The following EYS variants were observed in gnomAD, a reference collection of about 807,000 sequenced individuals.
The protein encoded by EYS is EGF-like photoreceptor maintenance factor.
A neutral mutation model predicts 282.1 loss-of-function variants in EYS; 250 were observed. The ratio of observed to expected loss-of-function variants is 0.89; its 90% CI spans 0.80 to 0.98. The LOEUF is 0.98. Among genes scored for constraint, EYS ranks in the 50% least tolerant of loss-of-function variants. EYS has a pLI of 0.00. For synonymous variants in EYS, 1,355 were observed against 1,282.9 expected (o/e 1.06, Z -1.20); for missense variants, 4,016 against 3,709.0 (o/e 1.08, Z -2.15).
chr6:65,673,665 C>T (rs6928284), intron 1 of EYS, among the ~76,000 whole-genome samples: 124,827 of 151,914 alleles, frequency 0.82, 51,359 homozygotes, highest in East Asian at 0.85. Context: ...CAGTAAGGTG[C>T]ATGAAAGTTC....
At chr6:63,943,724 T>A (rs1246968369) in intron 35 of EYS, among the ~76,000 whole-genome samples, 1 of 152,208 alleles carries the variant, frequency 6.6e-6, no homozygotes, top group Non-Finnish European at 1.5e-5. Flanking sequence ...CAGAGAGGCA[T>A]TGCCCTTGTT....
chr6:64,377,283 GGAT>G (rs1772592276), intron 29 of EYS, among the ~76,000 whole-genome samples: 1 of 152,024 alleles, frequency 6.6e-6, no homozygotes. Context: ...AAACATATTA[GGAT>G]TTTTAAATTT....
chr6:64,618,450 A>G (rs1368453842), intron 23 of EYS, among the ~76,000 whole-genome samples: 2 of 152,130 alleles, frequency 1.3e-5, no homozygotes, highest in African/African-American at 2.4e-5. Flanking sequence ...CTCTAATCAC[A>G]ACTTTTTAAC....
chr6:64,816,835 G>T (rs1764752687), intron 21 of EYS, among the ~76,000 whole-genome samples: 1 of 151,828 alleles, frequency 6.6e-6, no homozygotes, highest in South Asian at 2.1e-4. Flanking sequence ...AACACAGAAA[G>T]AATTTTTAAG....
Position 65,295,889 on chromosome 6 carries a change from A to T in EYS, c.1997T>A (p.Phe666Tyr), listed in dbSNP as rs984399600. Reference protein sequence around the residue: ...TTSTHLRGYFFRKCVPGFKGT... With the variant: ...TTSTHLRGYFYRKCVPGFKGT... ...TTTAAATCCTGGGACACACTTGCGG[A>T]AGAAATATCCCCTTAAATGTGTACT... is the stretch of plus-strand genomic sequence containing the variant. Residue 666 changes from phenylalanine to tyrosine, a missense_variant, in exon 12 of 43, where the codon TTC (phenylalanine) becomes TAC (tyrosine). By Grantham distance (22) the Phe-to-Tyr change is conservative (BLOSUM62 3). Transcript: ENST00000503581. The T allele has an allele frequency of 6.5e-7, 1 of 1,548,270 alleles. No individual in the cohort carries two copies. Among genetic ancestry groups the T allele is most frequent in the African/African-American group, 1.4e-5 (1 of 72,918 alleles).
Position 64,123,595 on chromosome 6 carries a change from C to A in EYS, c.6425-41593G>T, listed in dbSNP as rs149503208. Among the ~76,000 whole-genome samples, 658 of 152,192 alleles carry A rather than the reference C, an allele frequency of 4.3e-3. 3 individuals carry two copies. Among genetic ancestry groups the A allele is most frequent in the African/African-American group, 0.015 (627 of 41,508 alleles). ...AAGACAGCTTTATCGTTCCTAACTG[C>A]CAGCTCTGTACTTGGTATGAGTTGG... is the stretch of plus-strand genomic sequence containing the variant. On this transcript the variant is annotated intron_variant, in intron 31 of 42. Coordinates refer to ENST00000503581, the MANE Select transcript of EYS (RefSeq NM_001142800.2).
rs1474430377 is a variant in EYS at position 64,912,643 on chromosome 6, T to A, written c.2482A>T (p.Thr828Ser). The A allele has an allele frequency of 1.9e-6, 3 of 1,549,914 alleles. No individual in the cohort carries two copies. In the South Asian group the frequency reaches 3.6e-5, roughly 18 times the overall value. ...AGACATACAAATTGTCCAGGGATGG[T>A]AGATTCATGACAAAGACCTCCATTC... ...CMNGGLCHES[T>S]IPGQFVCLCP... Residue 828 changes from threonine to serine, a missense_variant, in exon 16 of 43, where the codon ACC becomes TCC. Coordinates refer to ENST00000503581, the MANE Select transcript of EYS (RefSeq NM_001142800.2).
chr6:64,385,507 T>C (rs1772878795), intron 29 of EYS, among the ~76,000 whole-genome samples: 1 of 152,192 alleles, frequency 6.6e-6, no homozygotes, highest in African/African-American at 2.4e-5. Context: ...TCCTCCAAAT[T>C]TGATTATAAC....
In EYS at chr6:63,762,537, T is replaced by A. The variant is rs1217814272; in HGVS notation, c.7995A>T (p.Gly2665=). 1.9e-6 allele frequency: 3 copies of A among 1,550,304 alleles called. No individual in the cohort carries two copies. The highest frequency in any genetic ancestry group is 2.6e-6 in the Non-Finnish European group (3 of 1,146,128). The change falls in exon 41 of 43, where the codon GGA becomes GGT. Residue 2665 remains glycine (G), a synonymous_variant. Coordinates refer to ENST00000503581, the MANE Select transcript of EYS (RefSeq NM_001142800.2). ...EHDPPHHCSR[G]ATCISLPHGY... The stretch of plus-strand genomic sequence containing the variant: ...CATGAGGTAATGAAATGCAGGTTGC[T>A]CCTCTGCTACAGTGGTGTGGAGGGT...
At chr6:64,757,074 T>C (rs184320596) in intron 22 of EYS, among the ~76,000 whole-genome samples, 10 of 152,290 alleles carry the variant, frequency 6.6e-5, no homozygotes, top group Non-Finnish European at 1.3e-4. Flanking sequence ...ATTCTTAGGG[T>C]GACATTGAAG....
chr6:63,983,214 A>T (rs559224459), intron 35 of EYS, among the ~76,000 whole-genome samples: 7 of 151,896 alleles, frequency 4.6e-5, no homozygotes, highest in Middle Eastern at 3.4e-3. Context: ...TATTGTACCA[A>T]TGTATAAATG....
chr6:64,391,313 C>T (rs1773129941), intron 28 of EYS, among the ~76,000 whole-genome samples: 1 of 151,872 alleles, frequency 6.6e-6, no homozygotes, highest in Non-Finnish European at 1.5e-5. Flanking sequence ...AACTCCAAGA[C>T]ACATAATTGT....
rs1351042632 is a variant in EYS at position 63,788,100 on chromosome 6, C to T, written c.7723+5G>A. On this transcript the variant is annotated splice_donor_5th_base_variant and intron_variant, in intron 39 of 42. Transcript: ENST00000503581. ...GGTATAATATAAAAAATGTCCATGCCTTACCTTGAAAACCATTTTTAAAAT... is the reference window on the plus strand; with the variant it reads ...GGTATAATATAAAAAATGTCCATGCTTTACCTTGAAAACCATTTTTAAAAT... 6.5e-7 allele frequency: 1 copy of T among 1,529,130 alleles called. No homozygotes were observed. 94.7% of individuals were successfully genotyped at this position (1,529,130 alleles called of 1,614,324 possible).
intron 30 of EYS, among the ~76,000 whole-genome samples, chr6:64,281,028 T>C (rs9784866): frequency 0.038 from 5,812 of 152,208 alleles, 356 homozygotes; most frequent in African/African-American, 0.13. Context: ...TTTATTAACT[T>C]TTCCAGTCAA....
At chr6:64,391,686 G>A (rs1453331213) in intron 28 of EYS, among the ~76,000 whole-genome samples, 1 of 152,044 alleles carries the variant, frequency 6.6e-6, no homozygotes, top group Non-Finnish European at 1.5e-5. Context: ...AAAATGTAAA[G>A]ACCATCAAGA....
chr6:64,710,859 T>C (rs1282692368), intron 22 of EYS, among the ~76,000 whole-genome samples: 3 of 152,234 alleles, frequency 2.0e-5, no homozygotes, highest in Admixed American at 1.3e-4. Flanking sequence ...GTTTGAATTA[T>C]GGTCAGGACA....
intron 15 of EYS, among the ~76,000 whole-genome samples, chr6:64,922,534 T>A (rs1194396999): frequency 6.6e-6 from 1 of 152,092 alleles, no homozygotes; most frequent in Non-Finnish European, 1.5e-5. Context: ...CAACAAAATA[T>A]TTAAGGAGAT....
intron 35 of EYS, among the ~76,000 whole-genome samples, chr6:63,931,369 C>A (rs940654469): frequency 6.6e-6 from 1 of 152,174 alleles, no homozygotes; most frequent in Non-Finnish European, 1.5e-5. Flanking sequence ...TCCTCAAGGT[C>A]CTTCCCTTTG....
At position 64,106,810 on chromosome 6, in the gene EYS, G is replaced by A. The variant is rs541959504; in HGVS notation, c.6425-24808C>T. ...TTCTTCTGATATTCTCATTACATAT[G>A]TGTTATACCTTTTGTAGTCATCTCA... On this transcript the variant is annotated intron_variant, in intron 31 of 42. Transcript: ENST00000503581. Among the ~76,000 whole-genome samples the A allele has an allele frequency of 2.6e-5, 4 of 151,744 alleles. No homozygotes were observed. In the South Asian group the frequency reaches 8.3e-4, roughly 32 times the overall value.
Sources: allele counts gnomAD v4.1 joint callset (sites outside exome capture counted in the v4.1 genomes callset), GRCh38; gene constraint gnomAD v4.1.1; transcripts MANE v1.5; gene names NCBI Gene and HGNC (gene_info 2026-07-23, HGNC 2026-07-21).